The following POLR1A variants were observed in gnomAD, a reference collection of about 807,000 sequenced individuals.
The protein encoded by POLR1A is RNA polymerase I subunit A.
POLR1A carries 84 observed loss-of-function variants against 205.3 expected under a neutral mutation model. The ratio of observed to expected loss-of-function variants is 0.41; its 90% CI spans 0.34 to 0.49. The LOEUF is 0.49. POLR1A is among the 20% of genes least tolerant of loss of function. POLR1A has a pLI of 0.22. For missense variants in POLR1A, 1,645 were observed against 2,204.5 expected, an observed-to-expected ratio of 0.75 and a Z score of 5.08; for synonymous variants, 799 against 863.7, an observed-to-expected ratio of 0.93 and a Z score of 1.31.
intron 25 of POLR1A, 29 bp downstream of exon 25, chr2:86,040,363 C>A (rs759468154): frequency 7.1e-6 from 11 of 1,554,802 alleles, no homozygotes; most frequent in Middle Eastern, 1.7e-4. Context: ...TAGGACAGAC[C>A]CCACCCTGTG....
chr2:86,084,110 A>G (rs763531916), intron 6 of POLR1A, among the ~76,000 whole-genome samples: 1 of 152,228 alleles, frequency 6.6e-6, no homozygotes, highest in Non-Finnish European at 1.5e-5. Context: ...TATGAAAAAT[A>G]CAAAAATTAG....
intron 15 of POLR1A, 124 bp downstream of exon 15, chr2:86,054,016 G>T (rs963211007): frequency 1.1e-6 from 1 of 895,078 alleles, no homozygotes; most frequent in East Asian, 2.6e-5. Context: ...CAGGCACAAC[G>T]CCTTCTCTTC....
intron 1 of POLR1A, among the ~76,000 whole-genome samples, chr2:86,104,447 GTTT>G (rs60028748): frequency 8.8e-4 from 101 of 114,188 alleles, no homozygotes; most frequent in South Asian, 1.4e-3. Flanking sequence ...GCCGTGTTGA[GTTT>G]TTTTTTTTTT....
In POLR1A at chr2:86,047,001, T is replaced by C. The variant is rs75362844; in HGVS notation, c.2733+164A>G. On this transcript the variant is annotated intron_variant, in intron 19 of 33. Transcript: ENST00000263857. ...TGCATATTCATAACTACATCTGCCT[T>C]TAACATTGGCATGTTAACAGTGGTT... Among the ~76,000 whole-genome samples, 1,648 of 152,316 alleles carry C rather than the reference T, an allele frequency of 0.011. 33 individuals carry two copies. Among genetic ancestry groups the C allele is most frequent in the East Asian group, 0.097 (503 of 5,180 alleles).
rs1295351863 is a variant in POLR1A, at chr2:86,021,451, T to G, written c.*5972A>C. ...GAGGGGATGGCTGGACTCCTGATTC[T>G]TTTTCAGTTTCCCTCCCTTCTGGCT... On this transcript the variant is annotated 3_prime_UTR_variant, in exon 34 of 34. Transcript: ENST00000263857. 6.6e-6 allele frequency: 1 copy of G among 152,480 alleles called. No homozygotes were observed. The highest frequency in any genetic ancestry group is 6.5e-5 in the Admixed American group (1 of 15,282). 9.4% of individuals were successfully genotyped at this position (152,480 alleles called of 1,614,324 possible).
chr2:86,032,882 G>A (rs139847171), intron 28 of POLR1A, among the ~76,000 whole-genome samples: 219 of 152,296 alleles, frequency 1.4e-3, no homozygotes, highest in Middle Eastern at 6.8e-3. Context: ...GTCCACACCC[G>A]CTTGTGCTTG....
intron 11 of POLR1A, among the ~76,000 whole-genome samples, chr2:86,076,201 T>G (rs1288944208): frequency 6.6e-6 from 1 of 152,220 alleles, no homozygotes; most frequent in Non-Finnish European, 1.5e-5. Context: ...CTTCCAAATG[T>G]ACACAAATAC....
rs1558777042 is a variant in POLR1A at position 86,071,227 on chromosome 2, C to CGTGTGCGCGCGCGTGTGTGT, written c.1612-956_1612-955insACACACACGCGCGCGCACAC. 2.7e-5 allele frequency among the ~76,000 whole-genome samples: 4 copies of CGTGTGCGCGCGCGTGTGTGT among 147,356 alleles called. No individual in the cohort carries two copies. In the East Asian group the frequency reaches 8.3e-4, roughly 30 times the overall value. On this transcript the variant is annotated intron_variant, in intron 12 of 33. Coordinates refer to ENST00000263857, the MANE Select transcript of POLR1A (RefSeq NM_015425.6). ...CCCAGCTTCTCTCTCTCTCCGTGTG[C>CGTGTGCGCGCGCGTGTGTGT]ATGTGTGTGTGTGTGTGTGTGTGTG...
chr2:86,040,579 G>T lies in POLR1A; in HGVS notation c.3573-20C>A. On this transcript the variant is annotated intron_variant, in intron 24 of 33. Transcript: ENST00000263857. ...CTCAACCTAGAGACGGTGGTGGGGG[G>T]TCAGGGTGGGGGTTGTGGCAGGGGT... The T allele has an allele frequency of 6.6e-7, 1 of 1,522,926 alleles. No individual in the cohort carries two copies. The allele number at this position is 1,522,926 out of a possible 1,614,324, so 94.3% of individuals were successfully genotyped here.
chr2:86,075,332 T>A, intron 11 of POLR1A, 72 bp from the exon 12 acceptor site: 1 of 1,086,604 alleles, frequency 9.2e-7, no homozygotes, highest in Non-Finnish European at 1.4e-6. Context: ...CAAATCTGTC[T>A]CAACAGGCTG....
intron 12 of POLR1A, among the ~76,000 whole-genome samples, chr2:86,074,107 CGA>C (rs1673236565): frequency 6.6e-6 from 1 of 152,158 alleles, no homozygotes; most frequent in South Asian, 2.1e-4. Context: ...GCGGTGAGAA[CGA>C]GAGGAAGCAA....
At chr2:86,043,947 A>C (rs1354882912) in intron 22 of POLR1A, among the ~76,000 whole-genome samples, 192 bp downstream of exon 22, 1 of 152,202 alleles carries the variant, frequency 6.6e-6, no homozygotes, top group East Asian at 1.9e-4. Flanking sequence ...AGCCACCTCA[A>C]GTGATGAAAG....
intron 18 of POLR1A, among the ~76,000 whole-genome samples, chr2:86,048,576 A>C (rs1054660791): frequency 6.6e-6 from 1 of 152,068 alleles, no homozygotes; most frequent in African/African-American, 2.4e-5. Flanking sequence ...CTGCTTATTC[A>C]CCCCTGGTGG....
intron 9 of POLR1A, among the ~76,000 whole-genome samples, chr2:86,078,500 G>T (rs1573826634): frequency 6.6e-6 from 1 of 152,196 alleles, no homozygotes; most frequent in African/African-American, 2.4e-5. Context: ...TTACCAGCCT[G>T]TCTCTTTCTA....
chr2:86,080,722 G>C, intron 9 of POLR1A, 94 bp downstream of exon 9: 1 of 1,250,394 alleles, frequency 8.0e-7, no homozygotes, highest in Non-Finnish European at 1.1e-6. Context: ...AACATCCCAG[G>C]AAGCATCTCC....
Position 86,041,993 on chromosome 2 carries a change from A to C in POLR1A, c.3468T>G (p.Phe1156Leu). The C allele has an allele frequency of 6.2e-7, 1 of 1,614,106 alleles. No individual in the cohort carries two copies. Among genetic ancestry groups the C allele is most frequent in the Non-Finnish European group, 8.5e-7 (1 of 1,179,960 alleles). Reference protein sequence around the residue: ...SLSVWRPDIYFASVSETFETK... With the variant: ...SLSVWRPDIYLASVSETFETK... ...TTTCAAATGTTTCTGACACTGATGCAAAGTAGATGTCAGGACGCCAGACAG... is the reference window on the plus strand; with the variant it reads ...TTTCAAATGTTTCTGACACTGATGCCAAGTAGATGTCAGGACGCCAGACAG... Residue 1156 changes from phenylalanine (F) to leucine (L), a missense_variant, in exon 24 of 34, where the codon TTT becomes TTG. Transcript: ENST00000263857.
At position 86,023,020 on chromosome 2, in the gene POLR1A, A is replaced by C. The variant is rs1346458919; in HGVS notation, c.*4403T>G. The C allele has an allele frequency of 6.6e-6, 1 of 152,162 alleles. No homozygotes were observed. The highest frequency in any genetic ancestry group is 2.4e-5 in the African/African-American group (1 of 41,412). The allele number at this position is 152,162 out of a possible 1,614,324, so 9.4% of individuals were successfully genotyped here. A position where few individuals can be genotyped will look rare whatever the true frequency, so the allele number is the denominator to read the frequency against. On this transcript the variant is annotated 3_prime_UTR_variant, in exon 34 of 34. Transcript: ENST00000263857. The stretch of plus-strand genomic sequence containing the variant: ...CTCAGCCTCCTGAGTAGCTGGGTGA[A>C]ACCCCATCTCTACTAAAAATACAGA...
intron 7 of POLR1A, among the ~76,000 whole-genome samples, chr2:86,082,076 T>A (rs908527834): frequency 1.3e-5 from 2 of 152,030 alleles, no homozygotes; most frequent in Non-Finnish European, 2.9e-5. Flanking sequence ...GCTCAATTGA[T>A]CCACCTGCCT....
At chr2:86,042,797 C>T (rs1275468303) in intron 23 of POLR1A, among the ~76,000 whole-genome samples, 177 bp downstream of exon 23, 1 of 152,246 alleles carries the variant, frequency 6.6e-6, no homozygotes, top group African/African-American at 2.4e-5. Context: ...CCTGCCTACA[C>T]CCTTGTTAAG....
Sources: gnomAD v4.1 joint callset for allele counts (sites outside exome capture counted in the v4.1 genomes callset) on GRCh38, gnomAD v4.1.1 for gene constraint, MANE v1.5 for transcripts, NCBI Gene and HGNC (gene_info 2026-07-23, HGNC 2026-07-21) for gene names.